CTNNA3: variants seen among roughly 807,000 people sequenced by gnomAD.
CTNNA3 encodes the protein catenin alpha-3.
A neutral mutation model predicts 95.7 loss-of-function variants in CTNNA3; 76 were observed. The ratio of observed to expected loss-of-function variants is 0.79; its 90% confidence interval spans 0.66 to 0.96. CTNNA3 has a LOEUF of 0.96. CTNNA3 is among the 40% of genes least tolerant of loss of function. CTNNA3 has a pLI of 0.00. For synonymous variants in CTNNA3, 431 were observed against 374.4 expected (o/e 1.15, Z -1.74); for missense variants, 1,191 against 1,089.8 (o/e 1.09, Z -1.31).
At chr10:66,301,213 C>T (rs1466202376) in intron 12 of CTNNA3, among the ~76,000 whole-genome samples, 2 of 151,876 alleles carry the variant, frequency 1.3e-5, no homozygotes, top group African/African-American at 4.8e-5. Context: ...GAACCAGGAC[C>T]AGATAGACTC....
At chr10:67,615,403 T>C (rs930717560) in intron 2 of CTNNA3, among the ~76,000 whole-genome samples, 1 of 152,176 alleles carries the variant, frequency 6.6e-6, no homozygotes, top group Non-Finnish European at 1.5e-5. Flanking sequence ...TACTCCTGGA[T>C]AAATATAAAG....
intron 5 of CTNNA3, among the ~76,000 whole-genome samples, chr10:67,347,227 T>G (rs1396635391): frequency 1.3e-5 from 2 of 151,870 alleles, no homozygotes; most frequent in Non-Finnish European, 2.9e-5. Flanking sequence ...ATTTGGGTTT[T>G]GTTTTGTTTT....
intron 2 of CTNNA3, among the ~76,000 whole-genome samples, chr10:67,613,789 A>G (rs560834842): frequency 6.6e-6 from 1 of 151,760 alleles, no homozygotes; most frequent in South Asian, 2.1e-4. Context: ...GGCTTAAGCC[A>G]CGGTTCCCCA....
At chr10:66,129,293 A>C (rs1178986166) in intron 13 of CTNNA3, among the ~76,000 whole-genome samples, 1 of 152,130 alleles carries the variant, frequency 6.6e-6, no homozygotes, top group Non-Finnish European at 1.5e-5. Context: ...AAAAACTTCT[A>C]TTAAGGTACA....
intron 14 of CTNNA3, among the ~76,000 whole-genome samples, chr10:66,074,549 C>T (rs958341493): frequency 2.0e-5 from 3 of 151,828 alleles, no homozygotes; most frequent in Admixed American, 1.3e-4. Flanking sequence ...TGCTCATCTT[C>T]CCTTCCCCCA....
intron 17 of CTNNA3, among the ~76,000 whole-genome samples, chr10:65,949,168 C>T (rs371651971): frequency 6.4e-4 from 98 of 152,174 alleles, no homozygotes; most frequent in African/African-American, 1.4e-3. Context: ...TTCATCTCTG[C>T]GGTGTTGTTT....
intron 14 of CTNNA3, among the ~76,000 whole-genome samples, chr10:66,076,996 G>T (rs1006109416): frequency 6.6e-6 from 1 of 151,574 alleles, no homozygotes; most frequent in Admixed American, 6.6e-5. Flanking sequence ...ATAAATAAAG[G>T]TTGTAAAGGG....
At chr10:66,188,572 G>A (rs1159384693) in intron 13 of CTNNA3, among the ~76,000 whole-genome samples, 3 of 71,552 alleles carry the variant, frequency 4.2e-5, no homozygotes, top group Non-Finnish European at 7.8e-5. Flanking sequence ...TTTTCTGTGT[G>A]TGTGTGGGGG....
intron 5 of CTNNA3, among the ~76,000 whole-genome samples, chr10:67,482,108 ATC>A (rs1321607756): frequency 6.6e-6 from 1 of 151,700 alleles, no homozygotes; most frequent in Non-Finnish European, 1.5e-5. Context: ...ATTGATCTAT[ATC>A]TCTGTTTTGG....
intron 11 of CTNNA3, among the ~76,000 whole-genome samples, chr10:66,489,749 G>T (rs966055879): frequency 2.6e-5 from 4 of 152,162 alleles, no homozygotes; most frequent in African/African-American, 9.7e-5. Flanking sequence ...AGATACTTCA[G>T]GAAGGAGCCA....
chr10:65,960,585 T>C (rs1477159690), intron 17 of CTNNA3, among the ~76,000 whole-genome samples: 2 of 152,164 alleles, frequency 1.3e-5, no homozygotes, highest in African/African-American at 4.8e-5. Context: ...GTATATAGCA[T>C]GATGCTGAGG....
intron 7 of CTNNA3, among the ~76,000 whole-genome samples, chr10:66,997,918 T>C (rs1279472936): frequency 6.6e-6 from 1 of 152,170 alleles, no homozygotes; most frequent in Non-Finnish European, 1.5e-5. Flanking sequence ...TCCTCCTGAA[T>C]ATATTGCAAA....
intron 7 of CTNNA3, among the ~76,000 whole-genome samples, chr10:66,827,587 T>C (rs1842561526): frequency 5.3e-5 from 8 of 152,114 alleles, no homozygotes; most frequent in Admixed American, 4.6e-4. Context: ...CCATGACTAG[T>C]TATATTATCT....
At chr10:66,636,256 T>G (rs12255905) in intron 9 of CTNNA3, among the ~76,000 whole-genome samples, 20,022 of 151,840 alleles carry the variant, frequency 0.13, 3,996 homozygotes, top group African/African-American at 0.44. Flanking sequence ...GAAAATAAAA[T>G]ATTTAGGCCC....
At chr10:67,581,052 C>A (rs1382387585) in intron 3 of CTNNA3, among the ~76,000 whole-genome samples, 3 of 152,138 alleles carry the variant, frequency 2.0e-5, no homozygotes, top group African/African-American at 7.2e-5. Context: ...CCCTTTATTT[C>A]CTTCTCTTGC....
At chr10:66,012,925 A>C (rs61858364) in intron 15 of CTNNA3, among the ~76,000 whole-genome samples, 23,980 of 152,130 alleles carry the variant, frequency 0.16, 2,323 homozygotes, top group Admixed American at 0.24. Context: ...AGTGCATCAT[A>C]TATCAGCTCT....
intron 13 of CTNNA3, among the ~76,000 whole-genome samples, chr10:66,141,659 T>G (rs2083626141): frequency 6.6e-6 from 1 of 152,072 alleles, no homozygotes; most frequent in Admixed American, 6.6e-5. Context: ...ATTGTTTTTG[T>G]CATACTCCAG....
chr10:67,257,758 A>C (rs1283261016), intron 5 of CTNNA3, among the ~76,000 whole-genome samples: 1 of 152,170 alleles, frequency 6.6e-6, no homozygotes, highest in Non-Finnish European at 1.5e-5. Flanking sequence ...TTTAATTAAA[A>C]ACAATAATGG....
intron 6 of CTNNA3, among the ~76,000 whole-genome samples, chr10:67,216,061 A>T (rs909489868): frequency 1.3e-5 from 2 of 152,144 alleles, no homozygotes; most frequent in African/African-American, 4.8e-5. Flanking sequence ...ACCATTTTTT[A>T]AAATCATATT....
Sources: allele counts gnomAD v4.1 joint callset (sites outside exome capture counted in the v4.1 genomes callset), GRCh38; gene constraint gnomAD v4.1.1; transcripts MANE v1.5; gene names NCBI Gene and HGNC (gene_info 2026-07-23, HGNC 2026-07-21).